AGBL1: variants seen among roughly 807,000 people sequenced by gnomAD.
AGBL1 encodes the protein cytosolic carboxypeptidase 4.
Under a neutral mutation model 118.9 loss-of-function variants are expected in AGBL1, and 130 were observed. The ratio of observed to expected loss-of-function variants is 1.09; its 90% confidence interval spans 0.95 to 1.26. The LOEUF (loss-of-function observed/expected upper bound fraction) is 1.26. AGBL1 is among the 50% of genes most tolerant of loss of function. AGBL1 has a pLI of 0.00. For synonymous variants in AGBL1, 555 were observed against 478.9 expected (o/e 1.16, Z -2.08); for missense variants, 1,584 against 1,298.1 (o/e 1.22, Z -3.38).
intron 21 of AGBL1, among the ~76,000 whole-genome samples, chr15:86,637,722 C>T (rs1412619490): frequency 6.6e-6 from 1 of 152,002 alleles, no homozygotes; most frequent in Non-Finnish European, 1.5e-5. Flanking sequence ...TCAGATTTTG[C>T]AGGTAGAATC....
In AGBL1 at chr15:86,580,517, A is replaced by T. The variant is rs116821801; in HGVS notation, c.2994+25980A>T. The stretch of plus-strand genomic sequence containing the variant: ...GACTTTGTTACATGCATATTTTTCT[A>T]GACTAGTACTCAGTCTGTACATACA... On this transcript the variant is annotated intron_variant, in intron 21 of 22. Coordinates refer to ENST00000614907, the MANE Select transcript of AGBL1 (RefSeq NM_001386094.1). Among the ~76,000 whole-genome samples the T allele has an allele frequency of 6.1e-3, 929 of 151,226 alleles. 10 individuals are homozygous for T. The highest frequency in any genetic ancestry group is 0.021 in the African/African-American group (884 of 41,392).
intron 11 of AGBL1, among the ~76,000 whole-genome samples, chr15:86,265,094 T>C (rs535519551): frequency 1.3e-5 from 2 of 152,328 alleles, no homozygotes; most frequent in East Asian, 3.9e-4. Flanking sequence ...CAACTCCTTA[T>C]CCTATCTCCA....
intron 17 of AGBL1, among the ~76,000 whole-genome samples, chr15:86,340,174 G>T (rs976326067): frequency 2.6e-5 from 4 of 151,654 alleles, no homozygotes; most frequent in Non-Finnish European, 5.9e-5. Flanking sequence ...TTTTATTTTT[G>T]TGTGATGAGT....
chr15:86,151,587 C>G (rs532935360), intron 3 of AGBL1, among the ~76,000 whole-genome samples: 2 of 152,300 alleles, frequency 1.3e-5, no homozygotes, highest in East Asian at 3.9e-4. Context: ...TGGGAAAAAA[C>G]TGGAAACATT....
chr15:86,569,267 CA>C (rs11291773), intron 21 of AGBL1, among the ~76,000 whole-genome samples: 74,852 of 151,374 alleles, frequency 0.49, 19,407 homozygotes, highest in East Asian at 0.77. Context: ...CCCATCTCTA[CA>C]AAAAAAATTA....
chr15:86,801,593 A>G (rs2078651076), intron 22 of AGBL1, among the ~76,000 whole-genome samples: 1 of 152,066 alleles, frequency 6.6e-6, no homozygotes, highest in Non-Finnish European at 1.5e-5. Flanking sequence ...CTCTTGGCAT[A>G]TATCTGTCTG....
Position 86,143,764 on chromosome 15 carries a change from G to A in AGBL1, c.181G>A (p.Val61Ile), listed in dbSNP as rs1169113814. 6.2e-7 allele frequency: 1 copy of A among 1,613,900 alleles called. No homozygotes were observed. Among genetic ancestry groups the A allele is most frequent in the South Asian group, 1.1e-5 (1 of 91,082 alleles). Residue 61 changes from valine to isoleucine, a missense_variant, in exon 3 of 23, where the codon GTA becomes ATA. Val to Ile is a conservative substitution (Grantham distance 29). Transcript: ENST00000614907. ...CAGTGAAGCTCTTCTGCAGACCCTG[G>A]TAGACACAGCGAGGACAGCTCCTCC... ...GGSEALLQTL[V>I]DTARTAPPDY...
chr15:86,949,246 G>A (rs2080855004), intron 23 of AGBL1, among the ~76,000 whole-genome samples: 2 of 151,986 alleles, frequency 1.3e-5, no homozygotes, highest in Non-Finnish European at 2.9e-5. Context: ...TTCCTATTAG[G>A]AAAAACTTAC....
chr15:86,867,699 C>G (rs773985300), intron 22 of AGBL1, among the ~76,000 whole-genome samples: 7 of 152,018 alleles, frequency 4.6e-5, no homozygotes, highest in Non-Finnish European at 8.8e-5. Context: ...TTTTATTGTT[C>G]ATGGCACTGT....
chr15:86,634,228 A>T (rs1231901790), intron 21 of AGBL1, among the ~76,000 whole-genome samples: 1 of 152,196 alleles, frequency 6.6e-6, no homozygotes, highest in Non-Finnish European at 1.5e-5. Flanking sequence ...ATGCAAGAGA[A>T]GTGAAAACAT....
chr15:86,795,883 G>A (rs937609818), intron 22 of AGBL1, among the ~76,000 whole-genome samples: 1 of 151,458 alleles, frequency 6.6e-6, no homozygotes, highest in African/African-American at 2.4e-5. Context: ...ATCCTGCCTG[G>A]CCGGTTTCTG....
intron 4 of AGBL1, among the ~76,000 whole-genome samples, chr15:86,157,714 T>C (rs1186318755): frequency 1.3e-5 from 2 of 152,210 alleles, no homozygotes; most frequent in Non-Finnish European, 2.9e-5. Flanking sequence ...CACTGTTGAA[T>C]GTTCCAGCAA....
At chr15:86,293,008 C>G (rs1225228852) in intron 16 of AGBL1, among the ~76,000 whole-genome samples, 2 of 152,144 alleles carry the variant, frequency 1.3e-5, no homozygotes, top group African/African-American at 4.8e-5. Flanking sequence ...TTTTCAGGTG[C>G]CCCTGAGGCT....
intron 22 of AGBL1, among the ~76,000 whole-genome samples, chr15:86,724,106 G>A (rs1048361698): frequency 6.6e-6 from 1 of 151,922 alleles, no homozygotes; most frequent in Non-Finnish European, 1.5e-5. Context: ...TGCGGTGGCG[G>A]GCGCCTGTAG....
At chr15:86,971,872 G>A (rs990343951) in intron 23 of AGBL1, among the ~76,000 whole-genome samples, 6 of 151,820 alleles carry the variant, frequency 4.0e-5, no homozygotes, top group Non-Finnish European at 8.8e-5. Context: ...CGCCTATGAT[G>A]TTCTCATGAT....
chr15:87,000,788 G>A (rs1051499121), intron 24 of AGBL1, among the ~76,000 whole-genome samples: 1 of 140,878 alleles, frequency 7.1e-6, no homozygotes, highest in South Asian at 2.4e-4. Flanking sequence ...GCTTGATGGG[G>A]ATGGCATTGA....
rs745680034 is a variant in AGBL1, at chr15:86,577,617, C to T, written c.2994+23080C>T. On this transcript the variant is annotated intron_variant, in intron 21 of 22. Coordinates refer to ENST00000614907, the MANE Select transcript of AGBL1 (RefSeq NM_001386094.1). ...TCATGGTAGCCTCTCCTGTCATTGG[C>T]CTGGAGATCTGAGGGGAAAAAGTGG... Among the ~76,000 whole-genome samples, 154 of 152,244 alleles carry T rather than the reference C, an allele frequency of 1.0e-3. 1 individual carries two copies. The highest frequency in any genetic ancestry group is 1.8e-3 in the Non-Finnish European group (122 of 68,012).
At chr15:86,432,299 T>G (rs1236810231) in intron 18 of AGBL1, among the ~76,000 whole-genome samples, 10 of 152,220 alleles carry the variant, frequency 6.6e-5, no homozygotes, top group Admixed American at 6.5e-4. Flanking sequence ...ATCCATGACA[T>G]CACATTACAT....
chr15:87,016,189 A>G (rs535890330), intron 24 of AGBL1, among the ~76,000 whole-genome samples: 3 of 152,196 alleles, frequency 2.0e-5, no homozygotes, highest in African/African-American at 7.2e-5. Flanking sequence ...ACCCTTAAGG[A>G]GAATCTGACC....
Sources: allele counts gnomAD v4.1 joint callset (sites outside exome capture counted in the v4.1 genomes callset), GRCh38; gene constraint gnomAD v4.1.1; transcripts MANE v1.5; gene names NCBI Gene and HGNC (gene_info 2026-07-23, HGNC 2026-07-21).